Variants in PSTPIP2 observed in about 807,000 individuals in gnomAD.
The protein encoded by PSTPIP2 is proline-serine-threonine phosphatase interacting protein 2, also known as proline-serine-threonine phosphatase-interacting protein 2.
A neutral mutation model predicts 63.3 loss-of-function variants in PSTPIP2; 33 were observed. The ratio of observed to expected loss-of-function variants is 0.52; its 90% CI spans 0.40 to 0.70. The LOEUF is 0.70. PSTPIP2 is among the 30% of genes least tolerant of loss of function. PSTPIP2 has a pLI of 0.00. For synonymous variants in PSTPIP2, 125 were observed against 132.7 expected (o/e 0.94, Z 0.40); for missense variants, 312 against 400.7 (o/e 0.78, Z 1.89).
chr18:46,050,552 C>CA (rs201366247), intron 1 of PSTPIP2, among the ~76,000 whole-genome samples: 1,925 of 150,728 alleles, frequency 0.013, 27 homozygotes, highest in Admixed American at 0.036. Flanking sequence ...GACCCTTTCT[C>CA]AAAAAAACAA....
chr18:46,011,268 T>C lies in PSTPIP2; in HGVS notation c.267A>G (p.Gln89=), dbSNP rs1453297445. The C allele has an allele frequency of 8.1e-6, 13 of 1,613,504 alleles. No homozygotes were observed. The highest frequency in any genetic ancestry group is 3.3e-4 in the Middle Eastern group (2 of 6,058). The change falls in exon 5 of 15, where the codon CAA becomes CAG. Residue 89 remains glutamine (Q), a synonymous_variant. Coordinates refer to ENST00000409746, the MANE Select transcript of PSTPIP2 (RefSeq NM_024430.4). ...AACTCTGTGCAAGCTGAATGTGACA[T>C]TGTGCCACATTGTCTACTTCTGCAA... is the stretch of plus-strand genomic sequence containing the variant. ...VFKQQVDNVA[Q]CHIQLAQSLR... is the part of the protein sequence containing the mutation.
At chr18:46,042,363 A>C (rs1367989182) in intron 1 of PSTPIP2, among the ~76,000 whole-genome samples, 1 of 152,118 alleles carries the variant, frequency 6.6e-6, no homozygotes, top group Non-Finnish European at 1.5e-5. Context: ...TCCTCTCCTG[A>C]ATCCAGATCT....
intron 5 of PSTPIP2, among the ~76,000 whole-genome samples, chr18:46,010,409 C>T (rs954936608): frequency 3.3e-5 from 5 of 152,172 alleles, no homozygotes; most frequent in African/African-American, 1.2e-4. Context: ...GCTTGTCTCC[C>T]ATGTGAGGCC....
At chr18:46,014,345 G>C (rs750799384) in intron 4 of PSTPIP2, among the ~76,000 whole-genome samples, 1 of 150,704 alleles carries the variant, frequency 6.6e-6, no homozygotes, top group Non-Finnish European at 1.5e-5. Context: ...CTAGGACATA[G>C]CATCCTGACC....
intron 1 of PSTPIP2, among the ~76,000 whole-genome samples, chr18:46,060,743 C>T (rs1365080441): frequency 1.3e-5 from 2 of 152,200 alleles, no homozygotes; most frequent in Non-Finnish European, 1.5e-5. Flanking sequence ...TGTGAGGCTC[C>T]GCCCAGAGGA....
intron 3 of PSTPIP2, among the ~76,000 whole-genome samples, chr18:46,020,503 A>G (rs932344724): frequency 2.0e-5 from 3 of 152,140 alleles, no homozygotes; most frequent in South Asian, 2.1e-4. Flanking sequence ...ATATACAAAA[A>G]TTAGCCAGGT....
intron 1 of PSTPIP2, among the ~76,000 whole-genome samples, chr18:46,041,776 C>T (rs1252864043): frequency 1.3e-5 from 2 of 152,156 alleles, no homozygotes; most frequent in Non-Finnish European, 2.9e-5. Flanking sequence ...CTGATTCAGA[C>T]TATAGTCCCT....
chr18:46,062,755 T>C (rs538076931), intron 1 of PSTPIP2, among the ~76,000 whole-genome samples: 1 of 152,224 alleles, frequency 6.6e-6, no homozygotes, highest in South Asian at 2.1e-4. Flanking sequence ...GACCTCGTGA[T>C]CCACCTGCCT....
chr18:45,985,373 A>G lies in PSTPIP2; in HGVS notation c.*86T>C. 1 of 1,565,748 alleles carries G rather than the reference A, an allele frequency of 6.4e-7. No individual in the cohort carries two copies. On this transcript the variant is annotated 3_prime_UTR_variant, in exon 15 of 15. Transcript: ENST00000409746. ...TCACTTCAAAGTCTTCATTGCTGAC[A>G]TAACGTGGCTATAGGTCCTGCTGCT...
chr18:45,987,908 G>T (rs1008580366), intron 14 of PSTPIP2, among the ~76,000 whole-genome samples: 2 of 152,166 alleles, frequency 1.3e-5, no homozygotes, highest in African/African-American at 2.4e-5. Flanking sequence ...AATCCTCATG[G>T]TTTGCTTATT....
intron 1 of PSTPIP2, 139 bp downstream of exon 1, chr18:46,072,017 C>T (rs2144144345): frequency 8.6e-7 from 1 of 1,159,850 alleles, no homozygotes; most frequent in Non-Finnish European, 1.1e-6. Flanking sequence ...GATCCCTTCA[C>T]GCGCGAGCTC....
intron 2 of PSTPIP2, among the ~76,000 whole-genome samples, chr18:46,025,683 T>TAA (rs35851535): frequency 3.5e-5 from 4 of 114,766 alleles, no homozygotes; most frequent in Admixed American, 8.8e-5. Flanking sequence ...TCACTACCAC[T>TAA]AAAAAAAAAA....
chr18:46,040,116 G>A, intron 1 of PSTPIP2, 69 bp from the exon 2 acceptor site: 1 of 1,292,114 alleles, frequency 7.7e-7, no homozygotes, highest in Non-Finnish European at 1.1e-6. Context: ...GAGAAGATAA[G>A]ACAAAAGAGG....
chr18:45,998,280 A>G (rs562128559), intron 8 of PSTPIP2, among the ~76,000 whole-genome samples: 3 of 152,358 alleles, frequency 2.0e-5, no homozygotes, highest in African/African-American at 7.2e-5. Flanking sequence ...GTCATGAGGG[A>G]TATTTCCTGC....
At chr18:46,070,012 T>G (rs772879273) in intron 1 of PSTPIP2, among the ~76,000 whole-genome samples, 1 of 152,228 alleles carries the variant, frequency 6.6e-6, no homozygotes, top group African/African-American at 2.4e-5. Context: ...CTCTCAAGTT[T>G]AATCCTCCCA....
chr18:46,058,907 C>T (rs1293253226), intron 1 of PSTPIP2, among the ~76,000 whole-genome samples: 1 of 152,172 alleles, frequency 6.6e-6, no homozygotes, highest in East Asian at 1.9e-4. Context: ...GGCTGGTCCA[C>T]TTCCATCTGG....
chr18:46,059,684 C>A (rs1908921092), intron 1 of PSTPIP2, among the ~76,000 whole-genome samples: 1 of 151,762 alleles, frequency 6.6e-6, no homozygotes, highest in Non-Finnish European at 1.5e-5. Flanking sequence ...CTATGTAATC[C>A]TCATATATTT....
chr18:46,008,913 C>T (rs1211855741), intron 5 of PSTPIP2, among the ~76,000 whole-genome samples: 1 of 152,142 alleles, frequency 6.6e-6, no homozygotes, highest in Non-Finnish European at 1.5e-5. Flanking sequence ...CTCCTCTATA[C>T]AGCCTTTCAC....
chr18:46,062,568 A>G (rs1188936533), intron 1 of PSTPIP2, among the ~76,000 whole-genome samples: 1 of 152,076 alleles, frequency 6.6e-6, no homozygotes, highest in African/African-American at 2.4e-5. Flanking sequence ...TCTGTCACCC[A>G]GGCTGGAGTG....
Sources: allele counts gnomAD v4.1 joint callset (sites outside exome capture counted in the v4.1 genomes callset), GRCh38; gene constraint gnomAD v4.1.1; transcripts MANE v1.5; gene names NCBI Gene and HGNC (gene_info 2026-07-23, HGNC 2026-07-21).